The following PTPRD variants were observed in gnomAD, a reference collection of about 807,000 sequenced individuals.
The protein encoded by PTPRD is receptor-type tyrosine-protein phosphatase delta.
In PTPRD, 34 loss-of-function variants were observed where a neutral mutation model predicts 214.5. The observed-to-expected ratio is 0.16, with a 90% CI of 0.12 to 0.21. The LOEUF (loss-of-function observed/expected upper bound fraction) is 0.21. Among genes scored for constraint, PTPRD ranks in the 10% least tolerant of loss-of-function variants. The pLI, the probability that PTPRD is intolerant of heterozygous loss-of-function variation, is 1.00. For missense variants in PTPRD, 2,545 were observed against 2,398.7 expected (o/e 1.06, Z -1.27); for synonymous variants, 1,128 against 845.7 (o/e 1.33, Z -5.79).
At chr9:8,690,523 C>G (rs895478884) in intron 12 of PTPRD, among the ~76,000 whole-genome samples, 2 of 102,102 alleles carry the variant, frequency 2.0e-5, no homozygotes, top group Non-Finnish European at 3.5e-5. Flanking sequence ...AGCAAGACTC[C>G]GTCTCAAAAA....
chr9:8,892,927 A>T (rs76800691), intron 11 of PTPRD, among the ~76,000 whole-genome samples: 2,972 of 152,084 alleles, frequency 0.02, 95 homozygotes, highest in African/African-American at 0.068. Flanking sequence ...AATAAGATAA[A>T]GACAATAAAG....
intron 4 of PTPRD, among the ~76,000 whole-genome samples, chr9:10,022,867 G>A (rs999395841): frequency 3.3e-5 from 5 of 152,078 alleles, no homozygotes; most frequent in Admixed American, 6.5e-5. Context: ...ATAGCCCATT[G>A]AATTATATGG....
chr9:8,491,116 C>T (rs1188110463), intron 27 of PTPRD, among the ~76,000 whole-genome samples: 1 of 152,242 alleles, frequency 6.6e-6, no homozygotes, highest in Non-Finnish European at 1.5e-5. Flanking sequence ...TTGGATTCTT[C>T]TGCCTTCTTC....
intron 3 of PTPRD, among the ~76,000 whole-genome samples, chr9:10,284,427 G>C (rs775528365): frequency 5.3e-5 from 8 of 152,152 alleles, no homozygotes; most frequent in Non-Finnish European, 1.0e-4. Context: ...GAAAAACCAT[G>C]TATGTGCATA....
At chr9:8,907,365 G>T (rs893020584) in intron 11 of PTPRD, among the ~76,000 whole-genome samples, 13 of 151,360 alleles carry the variant, frequency 8.6e-5, no homozygotes, top group African/African-American at 2.2e-4. Context: ...AAGAAACGGA[G>T]AAATTAGCTA....
intron 35 of PTPRD, among the ~76,000 whole-genome samples, chr9:8,433,803 T>C (rs1286124636): frequency 6.6e-6 from 1 of 152,216 alleles, no homozygotes; most frequent in East Asian, 1.9e-4. Context: ...ACTATTGAAA[T>C]AAACTTTTAA....
At chr9:9,608,490 A>G (rs1431695220) in intron 7 of PTPRD, among the ~76,000 whole-genome samples, 2 of 152,202 alleles carry the variant, frequency 1.3e-5, no homozygotes, top group Non-Finnish European at 2.9e-5. Context: ...TTTCTCCCGC[A>G]TAAAGTAACC....
chr9:8,416,074 G>GAA (rs5896245), intron 35 of PTPRD, among the ~76,000 whole-genome samples: 30 of 151,478 alleles, frequency 2.0e-4, no homozygotes, highest in African/African-American at 6.1e-4. Flanking sequence ...CCTTAAAAGT[G>GAA]AAAAAAAATA....
chr9:10,234,760 G>A (rs1440830856), intron 3 of PTPRD, among the ~76,000 whole-genome samples: 1 of 151,834 alleles, frequency 6.6e-6, no homozygotes, highest in Non-Finnish European at 1.5e-5. Flanking sequence ...AGAGAATGAA[G>A]TGAATCCTGT....
chr9:9,990,254 T>C (rs1413332370), intron 4 of PTPRD, among the ~76,000 whole-genome samples: 1 of 152,188 alleles, frequency 6.6e-6, no homozygotes, highest in African/African-American at 2.4e-5. Flanking sequence ...TTTCCTTTCT[T>C]CTCTCATGGT....
chr9:9,224,903 G>A (rs2099958441), intron 9 of PTPRD, among the ~76,000 whole-genome samples: 1 of 152,042 alleles, frequency 6.6e-6, no homozygotes, highest in Non-Finnish European at 1.5e-5. Flanking sequence ...TGTTGTCTAT[G>A]AACTGAAATT....
intron 9 of PTPRD, among the ~76,000 whole-genome samples, chr9:9,267,602 C>T (rs1014683575): frequency 3.3e-5 from 5 of 151,032 alleles, no homozygotes; most frequent in Admixed American, 2.6e-4. Flanking sequence ...AGCCAATATC[C>T]CTGGTGAGCA....
intron 9 of PTPRD, among the ~76,000 whole-genome samples, chr9:9,270,580 A>C (rs947196697): frequency 1.3e-5 from 2 of 151,366 alleles, no homozygotes; most frequent in African/African-American, 4.8e-5. Flanking sequence ...GAGTTAGGAA[A>C]GATCAGGTCA....
At chr9:8,575,902 G>C (rs1053502046) in intron 14 of PTPRD, among the ~76,000 whole-genome samples, 3 of 152,138 alleles carry the variant, frequency 2.0e-5, no homozygotes, top group African/African-American at 7.2e-5. Context: ...TGCTTCCTCA[G>C]AGGGCTGAAC....
At chr9:8,561,293 A>G (rs1016764443) in intron 14 of PTPRD, among the ~76,000 whole-genome samples, 2 of 152,094 alleles carry the variant, frequency 1.3e-5, no homozygotes, top group African/African-American at 4.8e-5. Context: ...CCCCAGACCC[A>G]GCCACACTGA....
chr9:10,168,880 T>A (rs993298098), intron 3 of PTPRD, among the ~76,000 whole-genome samples: 2 of 152,202 alleles, frequency 1.3e-5, no homozygotes, highest in Admixed American at 1.3e-4. Flanking sequence ...AATGTTTACT[T>A]TATCTAGAAG....
chr9:10,343,921 G>A (rs545284987), intron 2 of PTPRD, among the ~76,000 whole-genome samples: 1 of 149,986 alleles, frequency 6.7e-6, no homozygotes, highest in African/African-American at 2.5e-5. Flanking sequence ...TTTGTCAGAT[G>A]GGTGGATTGC....
intron 14 of PTPRD, among the ~76,000 whole-genome samples, chr9:8,575,423 G>A (rs940030913): frequency 1.3e-5 from 2 of 152,084 alleles, no homozygotes; most frequent in African/African-American, 4.8e-5. Context: ...CCTGTACGGA[G>A]TGGCCAATGT....
intron 7 of PTPRD, among the ~76,000 whole-genome samples, chr9:9,716,156 C>A (rs1045379210): frequency 6.6e-6 from 1 of 152,134 alleles, no homozygotes; most frequent in Non-Finnish European, 1.5e-5. Flanking sequence ...TTCCAATTTC[C>A]TCCAAGTCCC....
Sources: allele counts gnomAD v4.1 joint callset (sites outside exome capture counted in the v4.1 genomes callset), GRCh38; gene constraint gnomAD v4.1.1; transcripts MANE v1.5; gene names NCBI Gene and HGNC (gene_info 2026-07-23, HGNC 2026-07-21).